ARHGAP15: variants seen among roughly 807,000 people sequenced by gnomAD.
ARHGAP15 encodes the protein rho GTPase-activating protein 15.
ARHGAP15 carries 51 observed loss-of-function variants against 63.7 expected under a neutral mutation model. The observed-to-expected ratio is 0.80, with a 90% CI of 0.64 to 1.01. The LOEUF (loss-of-function observed/expected upper bound fraction) is 1.01, where lower values mean the gene tolerates loss of function less well. Among genes scored for constraint, ARHGAP15 ranks in the 50% least tolerant of loss-of-function variants. The pLI is 0.00. For synonymous variants in ARHGAP15, 191 were observed against 193.8 expected (o/e 0.99, Z 0.12); for missense variants, 560 against 564.6 (o/e 0.99, Z 0.08).
At chr2:143,537,562 G>A (rs1694837808) in intron 10 of ARHGAP15, among the ~76,000 whole-genome samples, 1 of 152,194 alleles carries the variant, frequency 6.6e-6, no homozygotes, top group Admixed American at 6.5e-5. Context: ...TGTATAAAGT[G>A]TAAGGAGGGG....
intron 11 of ARHGAP15, among the ~76,000 whole-genome samples, chr2:143,618,802 A>G (rs1203174961): frequency 1.3e-5 from 2 of 151,854 alleles, no homozygotes; most frequent in Non-Finnish European, 2.9e-5. Flanking sequence ...CTACAAAGCA[A>G]TATATAATAC....
In ARHGAP15 at chr2:143,661,381, G is replaced by C. The variant is rs35151416; in HGVS notation, c.1138+37114G>C. Among the ~76,000 whole-genome samples the C allele has an allele frequency of 5.3e-3, 808 of 152,282 alleles. 9 individuals are homozygous for C. Among genetic ancestry groups the C allele is most frequent in the Non-Finnish European group, 9.1e-3 (619 of 68,016 alleles). ...TGCTTACATGATAAACACTTGAAAT[G>C]TGACATTGTTTTTATATAGATTAAT... On this transcript the variant is annotated intron_variant, in intron 12 of 13. Coordinates refer to ENST00000295095, the MANE Select transcript of ARHGAP15 (RefSeq NM_018460.4).
chr2:143,233,255 T>C (rs1693517830), intron 5 of ARHGAP15, among the ~76,000 whole-genome samples: 2 of 152,122 alleles, frequency 1.3e-5, no homozygotes, highest in Middle Eastern at 6.8e-3. Context: ...GCTTGAAATA[T>C]ATTCTGAGAA....
intron 6 of ARHGAP15, among the ~76,000 whole-genome samples, chr2:143,395,917 G>A (rs1687737119): frequency 1.3e-5 from 2 of 151,986 alleles, no homozygotes; most frequent in Admixed American, 6.6e-5. Flanking sequence ...CAGAGACAAG[G>A]TGAGTTGGTC....
Position 143,633,726 on chromosome 2 carries a change from A to G in ARHGAP15, c.1138+9459A>G, listed in dbSNP as rs570239307. Reference sequence around the variant, plus strand: ...TCTCCTCAAAACTTGGTGGAAAGCAATTATCTTCACCTATTCTTCTAATAG... The same window carrying G: ...TCTCCTCAAAACTTGGTGGAAAGCAGTTATCTTCACCTATTCTTCTAATAG... On this transcript the variant is annotated intron_variant, in intron 12 of 13. Transcript: ENST00000295095. Among the ~76,000 whole-genome samples, 14 of 152,272 alleles carry G rather than the reference A, an allele frequency of 9.2e-5. No individual in the cohort carries two copies. The South Asian group carries it at 2.3e-3, about 25-fold the overall frequency.
chr2:143,622,180 C>T (rs1698669608), intron 11 of ARHGAP15, among the ~76,000 whole-genome samples: 1 of 152,162 alleles, frequency 6.6e-6, no homozygotes, highest in Non-Finnish European at 1.5e-5. Flanking sequence ...AACATAAGCA[C>T]TCTGCATGAG....
intron 11 of ARHGAP15, among the ~76,000 whole-genome samples, chr2:143,610,847 G>C (rs1310489022): frequency 6.6e-6 from 1 of 151,938 alleles, no homozygotes; most frequent in Non-Finnish European, 1.5e-5. Context: ...TCCTGTTTCA[G>C]CCTCCCGAGT....
chr2:143,442,399 T>C (rs72853732), intron 8 of ARHGAP15, among the ~76,000 whole-genome samples: 13,616 of 152,088 alleles, frequency 0.09, 723 homozygotes, highest in African/African-American at 0.15. Flanking sequence ...CCAGTAGCAT[T>C]GCTTTCGATC....
intron 6 of ARHGAP15, among the ~76,000 whole-genome samples, chr2:143,422,888 A>T (rs192139632): frequency 2.6e-5 from 4 of 152,264 alleles, no homozygotes; most frequent in Admixed American, 2.6e-4. Flanking sequence ...AAGAGGATAC[A>T]GCTACAGAAA....
chr2:143,741,752 A>C (rs1355252581), intron 13 of ARHGAP15, among the ~76,000 whole-genome samples: 1 of 152,238 alleles, frequency 6.6e-6, no homozygotes, highest in Non-Finnish European at 1.5e-5. Context: ...AGCAAGATGG[A>C]CCACACACAA....
chr2:143,408,463 CAT>C (rs1020926941), intron 6 of ARHGAP15, among the ~76,000 whole-genome samples: 3 of 151,694 alleles, frequency 2.0e-5, no homozygotes, highest in African/African-American at 7.3e-5. Flanking sequence ...TCTTTGAGAA[CAT>C]GTTATGAAAT....
chr2:143,670,729 A>G (rs924574604), intron 12 of ARHGAP15, among the ~76,000 whole-genome samples: 2 of 152,188 alleles, frequency 1.3e-5, no homozygotes, highest in Admixed American at 6.5e-5. Flanking sequence ...GGTCCACTGC[A>G]GGCAACAGAA....
chr2:143,326,105 A>G (rs371101056), intron 6 of ARHGAP15, among the ~76,000 whole-genome samples: 15 of 152,306 alleles, frequency 9.8e-5, no homozygotes, highest in Middle Eastern at 3.4e-3. Flanking sequence ...CATGTTTATT[A>G]TATCAAATAC....
intron 11 of ARHGAP15, among the ~76,000 whole-genome samples, chr2:143,622,234 C>G (rs1264753165): frequency 6.6e-6 from 1 of 152,054 alleles, no homozygotes; most frequent in Non-Finnish European, 1.5e-5. Context: ...AGAATTGGTA[C>G]CATGGGAAGA....
chr2:143,343,955 T>A (rs919676892), intron 6 of ARHGAP15: 1 of 152,110 alleles, frequency 6.6e-6, no homozygotes, highest in African/African-American at 2.4e-5. Flanking sequence ...ACAAATCAGG[T>A]TTAGCTATGT....
At chr2:143,320,671 A>G (rs1477005913) in intron 6 of ARHGAP15, among the ~76,000 whole-genome samples, 1 of 151,834 alleles carries the variant, frequency 6.6e-6, no homozygotes, top group East Asian at 1.9e-4. Flanking sequence ...AAATGAGACT[A>G]GACAGGGAAG....
At chr2:143,558,119 T>C (rs1400915746) in intron 11 of ARHGAP15, among the ~76,000 whole-genome samples, 1 of 152,170 alleles carries the variant, frequency 6.6e-6, no homozygotes, top group Non-Finnish European at 1.5e-5. Flanking sequence ...CAAATCCTTG[T>C]ACTCTAGCTT....
chr2:143,613,855 C>T (rs1698355759), intron 11 of ARHGAP15, among the ~76,000 whole-genome samples: 1 of 152,176 alleles, frequency 6.6e-6, no homozygotes, highest in South Asian at 2.1e-4. Context: ...TATACGCCCA[C>T]TCCAACCCAT....
chr2:143,485,679 A>G (rs1351840019), intron 8 of ARHGAP15, among the ~76,000 whole-genome samples: 1 of 152,062 alleles, frequency 6.6e-6, no homozygotes, highest in Non-Finnish European at 1.5e-5. Flanking sequence ...ATAATTAAGG[A>G]GGGCGTGCTG....
Sources: allele counts gnomAD v4.1 joint callset (sites outside exome capture counted in the v4.1 genomes callset), GRCh38; gene constraint gnomAD v4.1.1; transcripts MANE v1.5; gene names NCBI Gene and HGNC (gene_info 2026-07-23, HGNC 2026-07-21).